The following DLK2 variants were observed in gnomAD, a reference collection of about 807,000 sequenced individuals.
DLK2 encodes the protein protein delta homolog 2.
In DLK2, 9 loss-of-function variants were observed where a neutral mutation model predicts 31.3. The ratio of observed to expected loss-of-function variants is 0.29; its 90% confidence interval spans 0.17 to 0.50. The LOEUF (loss-of-function observed/expected upper bound fraction) is 0.50, where lower values mean the gene tolerates loss of function less well. Among genes scored for constraint, DLK2 ranks in the 20% least tolerant of loss-of-function variants. DLK2 has a pLI of 0.98. For synonymous variants in DLK2, 169 were observed against 201.2 expected, an observed-to-expected ratio of 0.84 and a Z score of 1.35; for missense variants, 387 against 526.1, an observed-to-expected ratio of 0.74 and a Z score of 2.59.
rs1483218663 is a variant in DLK2 at position 43,452,993 on chromosome 6, C to A, written c.271+12G>T. On this transcript the variant is annotated intron_variant, in intron 4 of 5. Transcript: ENST00000372488. Reference sequence around the variant, plus strand: ...GGGTTCCCAACCAAAAGCTACCCTTCCTCCCCCCTACCTTTGTCACAGAAC... The same window carrying A: ...GGGTTCCCAACCAAAAGCTACCCTTACTCCCCCCTACCTTTGTCACAGAAC... The A allele has an allele frequency of 1.2e-6, 2 of 1,613,720 alleles. No individual in the cohort carries two copies. The highest frequency in any genetic ancestry group is 2.7e-5 in the African/African-American group (2 of 74,930).
In DLK2 at chr6:43,455,440, A is replaced by G. The variant is rs1322428361; in HGVS notation, c.-101T>C. ...GCCCCGGGGCGCAGAGAGAGGCCGGATCCGACGGGCGCCGCCGAGGGGCCG... is the reference window on the plus strand; with the variant it reads ...GCCCCGGGGCGCAGAGAGAGGCCGGGTCCGACGGGCGCCGCCGAGGGGCCG... On this transcript the variant is annotated 5_prime_UTR_variant, in exon 1 of 6. Coordinates refer to ENST00000372488, the MANE Select transcript of DLK2 (RefSeq NM_023932.4). The G allele has an allele frequency of 6.9e-6, 1 of 144,092 alleles. No individual in the cohort carries two copies. Among genetic ancestry groups the G allele is most frequent in the Non-Finnish European group, 1.5e-5 (1 of 65,456 alleles). The allele number at this position is 144,092 out of a possible 1,614,324, so 8.9% of individuals were successfully genotyped here.
intron 1 of DLK2, 88 bp from the exon 2 acceptor site, chr6:43,454,968 A>T: frequency 6.4e-6 from 8 of 1,248,414 alleles, no homozygotes; most frequent in Non-Finnish European, 8.2e-6. Flanking sequence ...GACGAGGGAG[A>T]GGGGCGCCGG....
Position 43,452,049 on chromosome 6 carries a change from T to G in DLK2, c.307A>C (p.Asn103His). ...CCGTCATACATGCACTGGCCTCCAT[T>G]CTGGCAGGGGGACTGCGTGGTACAG... ...HICTTQSPCQ[N>H]GGQCMYDGGG... The change falls in exon 5 of 6, where the codon AAT (asparagine) becomes CAT (histidine). Residue 103 changes from asparagine to histidine, a missense_variant. Asn to His is a moderately conservative substitution (Grantham distance 68). Coordinates refer to ENST00000372488, the MANE Select transcript of DLK2 (RefSeq NM_023932.4). The G allele has an allele frequency of 6.2e-7, 1 of 1,614,222 alleles. No homozygotes were observed. Among genetic ancestry groups the G allele is most frequent in the Non-Finnish European group, 8.5e-7 (1 of 1,180,038 alleles).
intron 2 of DLK2, 81 bp downstream of exon 2, chr6:43,454,669 C>T (rs1783902208): frequency 5.3e-6 from 8 of 1,500,314 alleles, no homozygotes; most frequent in South Asian, 3.6e-5. Context: ...GACTGCAGTG[C>T]CGCCTCCGGC....
intron 3 of DLK2, 123 bp downstream of exon 3, chr6:43,454,288 A>G (rs2127424091): frequency 1.2e-6 from 1 of 852,390 alleles, no homozygotes; most frequent in Non-Finnish European, 1.8e-6. Flanking sequence ...GGGACTGGCC[A>G]GTCAGCCATA....
intron 4 of DLK2, among the ~76,000 whole-genome samples, chr6:43,452,716 CA>C (rs370273027): frequency 8.8e-6 from 1 of 113,146 alleles, no homozygotes; most frequent in African/African-American, 4.7e-5. Context: ...CATCTCAAAA[CA>C]AAACAAACAA....
At chr6:43,454,570 C>T in intron 2 of DLK2, 96 bp from the exon 3 acceptor site, 5 of 1,374,558 alleles carry the variant, frequency 3.6e-6, no homozygotes, top group African/African-American at 1.4e-5. Flanking sequence ...AGTAACTGAG[C>T]GGACTCAACC....
intron 4 of DLK2, 121 bp downstream of exon 4, chr6:43,452,883 AT>A: frequency 1.4e-6 from 2 of 1,422,156 alleles, no homozygotes; most frequent in Middle Eastern, 1.8e-4. Context: ...ATTTAAAAAA[AT>A]GATAAAATAC....
intron 4 of DLK2, among the ~76,000 whole-genome samples, chr6:43,452,301 C>G (rs890665417): frequency 2.0e-5 from 3 of 152,362 alleles, no homozygotes; most frequent in East Asian, 3.9e-4. Flanking sequence ...TGACCTTGGG[C>G]TGGGTACTGT....
In DLK2 at chr6:43,451,412, G is replaced by A; in HGVS notation, c.417-138C>T. The A allele has an allele frequency of 3.4e-6, 4 of 1,161,568 alleles. No homozygotes were observed. The highest frequency in any genetic ancestry group is 4.7e-6 in the Non-Finnish European group (4 of 845,480). The allele number at this position is 1,161,568 out of a possible 1,614,324, so 72.0% of individuals were successfully genotyped here. A position where few individuals can be genotyped will look rare whatever the true frequency, so the allele number is the denominator to read the frequency against. Reference sequence around the variant, plus strand: ...GCCTCAAATACCTCATTTTAAAAATGAGAATAAAAATAGTACCCAGCTTCC... The same window carrying A: ...GCCTCAAATACCTCATTTTAAAAATAAGAATAAAAATAGTACCCAGCTTCC... On this transcript the variant is annotated intron_variant, in intron 5 of 5. Coordinates refer to ENST00000372488, the MANE Select transcript of DLK2 (RefSeq NM_023932.4). This position sits in a 1 kb window ranked among gnomAD's most constrained non-coding sequence, Gnocchi z 4.4.
At position 43,451,629 on chromosome 6, in the gene DLK2, C is replaced by T. The variant is rs116610048; in HGVS notation, c.416+311G>A. On this transcript the variant is annotated intron_variant, in intron 5 of 5. Transcript: ENST00000372488. The surrounding 1 kb of genome is among the most constrained non-coding windows in gnomAD (Gnocchi z 4.4). Reference sequence around the variant, plus strand: ...TGTGACACAGAAGGGTGCAAGCCAGCGTTCAGGAGAGGATGAGGAGAGACC... The same window carrying T: ...TGTGACACAGAAGGGTGCAAGCCAGTGTTCAGGAGAGGATGAGGAGAGACC... Among the ~76,000 whole-genome samples, 1,034 of 152,222 alleles carry T rather than the reference C, an allele frequency of 6.8e-3. 16 individuals carry two copies. Among genetic ancestry groups the T allele is most frequent in the African/African-American group, 0.023 (936 of 41,516 alleles).
chr6:43,450,549 G>A lies in DLK2; in HGVS notation c.1142C>T (p.Thr381Ile), dbSNP rs1783649910. ...AAGCCCCCACCTCCATCACAGTGCT[G>A]TGGTCTTTCCAGGCTCAGGGGGCAA... ...RDLPPEPGKTTAL is the reference protein window; with the variant it reads ...RDLPPEPGKTIAL Residue 381 changes from threonine (T) to isoleucine (I), a missense_variant, in exon 6 of 6, where the codon ACA (threonine) becomes ATA (isoleucine). Coordinates refer to ENST00000372488, the MANE Select transcript of DLK2 (RefSeq NM_023932.4). This position sits in a 1 kb window ranked among gnomAD's most constrained non-coding sequence, Gnocchi z 4.5. 3 of 1,562,048 alleles carry A rather than the reference G, an allele frequency of 1.9e-6. No individual in the cohort carries two copies. The highest frequency in any genetic ancestry group is 2.2e-5 in the East Asian group (1 of 44,474).
chr6:43,455,170 G>T, intron 1 of DLK2: 1 of 857,292 alleles, frequency 1.2e-6, no homozygotes, highest in Non-Finnish European at 1.4e-6. Flanking sequence ...AGGGGTCCGC[G>T]GGATGGGGAC....
At position 43,451,881 on chromosome 6, in the gene DLK2, T is replaced by G; in HGVS notation, c.416+59A>C. 1 of 1,600,804 alleles carries G rather than the reference T, an allele frequency of 6.2e-7. No individual in the cohort carries two copies. Reference sequence around the variant, plus strand: ...CCTCCCAACAGTCCTGCCTCTTTTCTCATCCCATCACCAGGTTCTGGTCTA... The same window carrying G: ...CCTCCCAACAGTCCTGCCTCTTTTCGCATCCCATCACCAGGTTCTGGTCTA... On this transcript the variant is annotated intron_variant, in intron 5 of 5. Coordinates refer to ENST00000372488, the MANE Select transcript of DLK2 (RefSeq NM_023932.4). The surrounding 1 kb of genome is among the most constrained non-coding windows in gnomAD (Gnocchi z 4.4).
In DLK2 at chr6:43,450,842, C is replaced by T. The variant is rs1188342263; in HGVS notation, c.849G>A (p.Gly283=). 1 of 1,614,194 alleles carries T rather than the reference C, an allele frequency of 6.2e-7. No homozygotes were observed. The highest frequency in any genetic ancestry group is 8.5e-7 in the Non-Finnish European group (1 of 1,180,018). ...TCACTGAGATCCGCAGCAGACCAGC[C>T]CCTGCGCTGTGGGGGGCTGGCCCCG... ...PATGPAPHSA[G]AGLLRISVKE... Residue 283 remains glycine, a synonymous_variant, in exon 6 of 6, where the codon GGG becomes GGA. Coordinates refer to ENST00000372488, the MANE Select transcript of DLK2 (RefSeq NM_023932.4). The surrounding 1 kb of genome is among the most constrained non-coding windows in gnomAD (Gnocchi z 4.5).
intron 4 of DLK2, among the ~76,000 whole-genome samples, chr6:43,452,613 G>A (rs1252596813): frequency 1.3e-5 from 2 of 152,054 alleles, no homozygotes; most frequent in Non-Finnish European, 2.9e-5. Context: ...TGGGGAGGCT[G>A]AGGCACGAGA....
intron 4 of DLK2, 26 bp downstream of exon 4, chr6:43,452,979 C>T: frequency 1.2e-6 from 2 of 1,613,390 alleles, no homozygotes; most frequent in Non-Finnish European, 1.7e-6. Context: ...GGTTCCCAAC[C>T]AAAAGCTACC....
At chr6:43,455,635 C>T (rs1271263357), upstream of DLK2, 1 of 133,376 alleles carries the variant, frequency 7.5e-6, no homozygotes, top group Non-Finnish European at 1.7e-5. Context: ...CGCCCCCACC[C>T]CCATCCCCCC....
Position 43,451,488 on chromosome 6 carries a change from G to A in DLK2, c.417-214C>T, listed in dbSNP as rs1783732004. The stretch of plus-strand genomic sequence containing the variant: ...ATCAATGTCAAGCCATTAGCACAGG[G>A]CCCAGCCAGAAGGCAGGGCTCAGGG... On this transcript the variant is annotated intron_variant, in intron 5 of 5. Coordinates refer to ENST00000372488, the MANE Select transcript of DLK2 (RefSeq NM_023932.4). The surrounding 1 kb of genome is among the most constrained non-coding windows in gnomAD (Gnocchi z 4.4). Among the ~76,000 whole-genome samples the A allele has an allele frequency of 6.6e-6, 1 of 152,202 alleles. No homozygotes were observed. The highest frequency in any genetic ancestry group is 2.4e-5 in the African/African-American group (1 of 41,442).
Sources: gnomAD v4.1 joint callset for allele counts (sites outside exome capture counted in the v4.1 genomes callset) on GRCh38, gnomAD v4.1.1 for gene constraint, Gnocchi (gnomAD v3.1) non-coding constraint, MANE v1.5 for transcripts, NCBI Gene and HGNC (gene_info 2026-07-23, HGNC 2026-07-21) for gene names.